SALL3: variants seen among roughly 807,000 people sequenced by gnomAD.
SALL3 encodes spalt like transcription factor 3, also known as sal-like protein 3.
Under a neutral mutation model 66.2 loss-of-function variants are expected in SALL3, and 25 were observed. The ratio of observed to expected loss-of-function variants is 0.38; its 90% CI spans 0.28 to 0.53. The LOEUF is 0.53. Among genes scored for constraint, SALL3 ranks in the 20% least tolerant of loss-of-function variants. The pLI, the probability that SALL3 is intolerant of heterozygous loss-of-function variation, is 0.85. For missense variants in SALL3, 2,194 were observed against 1,916.5 expected, an observed-to-expected ratio of 1.14 and a Z score of -2.70; for synonymous variants, 1,152 against 899.1, an observed-to-expected ratio of 1.28 and a Z score of -5.03.
At chr18:78,980,984 T>G (rs1353475213) in intron 1 of SALL3, among the ~76,000 whole-genome samples, 2 of 152,136 alleles carry the variant, frequency 1.3e-5, no homozygotes. Flanking sequence ...GGCCTGGGCC[T>G]GGCCCCTGCT....
chr18:78,986,966 A>G (rs1914266050), intron 1 of SALL3, among the ~76,000 whole-genome samples: 1 of 152,244 alleles, frequency 6.6e-6, no homozygotes. Flanking sequence ...ATATAGGTAT[A>G]CACAGCATAT....
chr18:78,992,826 G>A lies in SALL3; in HGVS notation c.835G>A (p.Gly279Ser), dbSNP rs1287957114. Residue 279 changes from glycine (G) to serine (S), a missense_variant, in exon 2 of 3, where the codon GGC becomes AGC. By Grantham distance (56) the Gly-to-Ser change is moderately conservative. Transcript: ENST00000537592. ...GAPAAAIAGS[G>S]PAAPAAFEGA... ...CCCTGCCGCCGCCATCGCGGGCTCG[G>A]GCCCCGCCGCCCCGGCCGCCTTCGA... 1 of 979,632 alleles carries A rather than the reference G, an allele frequency of 1.0e-6. No homozygotes were observed. The highest frequency in any genetic ancestry group is 1.2e-6 in the Non-Finnish European group (1 of 827,926). 60.7% of individuals were successfully genotyped at this position (979,632 alleles called of 1,614,324 possible). A position where few individuals can be genotyped will look rare whatever the true frequency, so the allele number is the denominator to read the frequency against.
Position 78,992,670 on chromosome 18 carries a change from C to G in SALL3, c.679C>G (p.Arg227Gly). 6.5e-7 allele frequency: 1 copy of G among 1,539,170 alleles called. No homozygotes were observed. Residue 227 changes from arginine (R) to glycine (G), a missense_variant, in exon 2 of 3, where the codon CGC becomes GGC. Arg to Gly is a moderately radical substitution (Grantham distance 125). Transcript: ENST00000537592. ...IHQLQLIEQI[R>G]SQVALMQRPP... is the part of the protein sequence containing the mutation. ...CCAGCTGCAGCTCATCGAGCAGATC[C>G]GCAGCCAGGTGGCCCTCATGCAGCG...
At position 78,992,652 on chromosome 18, in the gene SALL3, C is replaced by T; in HGVS notation, c.661C>T (p.Gln221Ter). The T allele has an allele frequency of 6.5e-7, 1 of 1,547,468 alleles. No individual in the cohort carries two copies. Among genetic ancestry groups the T allele is most frequent in the Non-Finnish European group, 8.7e-7 (1 of 1,152,750 alleles). ...ALQQQQIHQL[Q>*]LIEQIRSQVA... is the part of the protein sequence containing the mutation. The stretch of plus-strand genomic sequence containing the variant: ...GCAGCAGCAGCAGATCCACCAGCTG[C>T]AGCTCATCGAGCAGATCCGCAGCCA... The change falls in exon 2 of 3, where the codon CAG becomes TAG. Residue 221 changes from glutamine (Q) to a stop codon, truncating the protein, a stop_gained. Transcript: ENST00000537592. LOFTEE classifies it high-confidence loss of function.
In SALL3 at chr18:78,992,813, C is replaced by T; in HGVS notation, c.822C>T (p.Ala274=). 2 of 980,202 alleles carry T rather than the reference C, an allele frequency of 2.0e-6. No homozygotes were observed. Among genetic ancestry groups the T allele is most frequent in the Non-Finnish European group, 2.4e-6 (2 of 828,308 alleles). The allele number at this position is 980,202 out of a possible 1,614,324, so 60.7% of individuals were successfully genotyped here. A position where few individuals can be genotyped will look rare whatever the true frequency, so the allele number is the denominator to read the frequency against. The change falls in exon 2 of 3, where the codon GCC becomes GCT. Residue 274 remains alanine (A), a synonymous_variant. Coordinates refer to ENST00000537592, the MANE Select transcript of SALL3 (RefSeq NM_171999.4). ...TGTCGGCCGGGGCCCCTGCCGCCGC[C>T]ATCGCGGGCTCGGGCCCCGCCGCCC... ...LPLSAGAPAA[A]IAGSGPAAPA...
In SALL3 at chr18:78,997,174, C is replaced by T. The variant is rs180936492; in HGVS notation, c.3755C>T (p.Pro1252Leu). 4 of 1,613,934 alleles carry T rather than the reference C, an allele frequency of 2.5e-6. No homozygotes were observed. Among genetic ancestry groups the T allele is most frequent in the African/African-American group, 1.3e-5 (1 of 74,932 alleles). The change falls in exon 3 of 3, where the codon CCT becomes CTT. Residue 1252 changes from proline (P) to leucine (L), a missense_variant. Coordinates refer to ENST00000537592, the MANE Select transcript of SALL3 (RefSeq NM_171999.4). ...PVSLGGSALP[P>L]LGSMASGMDK... ...AGTCTTGGGGGCAGCGCCCTCCCCCCTCTGGGCAGCATGGCCAGTGGGATG... is the reference window on the plus strand; with the variant it reads ...AGTCTTGGGGGCAGCGCCCTCCCCCTTCTGGGCAGCATGGCCAGTGGGATG...
intron 1 of SALL3, among the ~76,000 whole-genome samples, chr18:78,987,411 C>T (rs1360590810): frequency 1.3e-5 from 2 of 151,854 alleles, no homozygotes; most frequent in Non-Finnish European, 2.9e-5. Context: ...TTTTAACTAT[C>T]GTCTTTGAAG....
chr18:78,985,344 C>T (rs1257974238), intron 1 of SALL3, among the ~76,000 whole-genome samples: 1 of 152,182 alleles, frequency 6.6e-6, no homozygotes, highest in Admixed American at 6.5e-5. Flanking sequence ...GAAGAGAAAA[C>T]GGCTTTCTTT....
At position 78,994,420 on chromosome 18, in the gene SALL3, A is replaced by C; in HGVS notation, c.2429A>C (p.Glu810Ala). The C allele has an allele frequency of 6.2e-7, 1 of 1,612,698 alleles. No homozygotes were observed. The highest frequency in any genetic ancestry group is 8.5e-7 in the Non-Finnish European group (1 of 1,179,968). Residue 810 changes from glutamate to alanine, a missense_variant, in exon 2 of 3, where the codon GAG becomes GCG. Glu to Ala is a moderately radical substitution (Grantham distance 107, BLOSUM62 -1). Coordinates refer to ENST00000537592, the MANE Select transcript of SALL3 (RefSeq NM_171999.4). ...GAGAACTCCATGGAGGACGACGCTGAGCTGAAGGACGCGGCCACCGACCCG... is the reference window on the plus strand; with the variant it reads ...GAGAACTCCATGGAGGACGACGCTGCGCTGAAGGACGCGGCCACCGACCCG... ...MDENSMEDDAELKDAATDPAK... is the reference protein window; with the variant it reads ...MDENSMEDDAALKDAATDPAK...
intron 1 of SALL3, among the ~76,000 whole-genome samples, chr18:78,981,918 C>T (rs1914087746): frequency 6.6e-6 from 1 of 152,154 alleles, no homozygotes; most frequent in South Asian, 2.1e-4. Context: ...CATTGCGTCC[C>T]AGTGAGGAAT....
rs745475051 is a variant in SALL3 at position 78,992,663 on chromosome 18, G to A, written c.672G>A (p.Glu224=). Residue 224 remains glutamate, a synonymous_variant, in exon 2 of 3, where the codon GAG becomes GAA. Coordinates refer to ENST00000537592, the MANE Select transcript of SALL3 (RefSeq NM_171999.4). ...AGATCCACCAGCTGCAGCTCATCGA[G>A]CAGATCCGCAGCCAGGTGGCCCTCA... The part of the protein sequence containing the change: ...QQQIHQLQLI[E]QIRSQVALMQ... 10 of 1,541,556 alleles carry A rather than the reference G, an allele frequency of 6.5e-6. No homozygotes were observed. The highest frequency in any genetic ancestry group is 7.8e-6 in the Non-Finnish European group (9 of 1,149,722).
intron 1 of SALL3, among the ~76,000 whole-genome samples, chr18:78,987,909 G>A (rs1250755763): frequency 6.6e-6 from 1 of 152,180 alleles, no homozygotes; most frequent in African/African-American, 2.4e-5. Flanking sequence ...GTTGAATAGT[G>A]TGCAAAAAAT....
chr18:78,995,756 T>C (rs921855350), intron 2 of SALL3, among the ~76,000 whole-genome samples: 2 of 152,038 alleles, frequency 1.3e-5, no homozygotes, highest in Non-Finnish European at 2.9e-5. Context: ...AATGTATCCA[T>C]ATATTTATAA....
At position 78,992,278 on chromosome 18, in the gene SALL3, A is replaced by C; in HGVS notation, c.287A>C (p.Glu96Ala). 6.5e-7 allele frequency: 1 copy of C among 1,540,554 alleles called. No homozygotes were observed. Among genetic ancestry groups the C allele is most frequent in the Non-Finnish European group, 8.7e-7 (1 of 1,152,274 alleles). Residue 96 changes from glutamate (E) to alanine (A), a missense_variant, in exon 2 of 3, where the codon GAG becomes GCG. Coordinates refer to ENST00000537592, the MANE Select transcript of SALL3 (RefSeq NM_171999.4). Reference protein sequence around the residue: ...APAPPPEDFPEPSPASSPSER... With the variant: ...APAPPPEDFPAPSPASSPSER... Reference sequence around the variant, plus strand: ...GCGCCGCCCCCCGAGGACTTCCCCGAGCCTTCGCCCGCCAGCTCCCCCAGC... The same window carrying C: ...GCGCCGCCCCCCGAGGACTTCCCCGCGCCTTCGCCCGCCAGCTCCCCCAGC...
chr18:78,995,303 C>G lies in SALL3; in HGVS notation c.3312C>G (p.Pro1104=). 6.4e-7 allele frequency: 1 copy of G among 1,572,258 alleles called. No homozygotes were observed. Among genetic ancestry groups the G allele is most frequent in the Middle Eastern group, 1.7e-4 (1 of 6,026 alleles). Residue 1104 remains proline, a synonymous_variant, in exon 2 of 3, where the codon CCC becomes CCG. Coordinates refer to ENST00000537592, the MANE Select transcript of SALL3 (RefSeq NM_171999.4). The stretch of plus-strand genomic sequence containing the variant: ...CGGGCCTGGCGCCCATGCTGGCCCC[C>G]CCACCGCGCCGGACGCCCAAGCAGC... ...MGPGLAPMLA[P]PPRRTPKQHN...
At chr18:78,986,733 T>A (rs1376581506) in intron 1 of SALL3, among the ~76,000 whole-genome samples, 1 of 152,234 alleles carries the variant, frequency 6.6e-6, no homozygotes, top group African/African-American at 2.4e-5. Flanking sequence ...TTAACAACCC[T>A]TTCCCTGCAC....
rs1331358884 is a variant in SALL3, at chr18:78,995,458, T to G, written c.3467T>G (p.Leu1156Arg). 7.1e-6 allele frequency: 11 copies of G among 1,557,808 alleles called. No individual in the cohort carries two copies. The highest frequency in any genetic ancestry group is 9.5e-6 in the Non-Finnish European group (11 of 1,159,432). Residue 1156 changes from leucine to arginine, a missense_variant, in exon 2 of 3, where the codon CTC becomes CGC. Physicochemically the swap from Leu to Arg is moderately radical, Grantham distance 102. Coordinates refer to ENST00000537592, the MANE Select transcript of SALL3 (RefSeq NM_171999.4). The part of the protein sequence containing the change: ...CGRAFTTKGN[L>R]KVHMGTHMWN... ...CGGGCCTTCACCACTAAGGGCAACC[T>G]CAAGGTAAGAGCATGGCAGGCTCCA...
chr18:78,994,638 G>A lies in SALL3; in HGVS notation c.2647G>A (p.Val883Met), dbSNP rs761198756. 23 of 1,609,034 alleles carry A rather than the reference G, an allele frequency of 1.4e-5. No individual in the cohort carries two copies. The highest frequency in any genetic ancestry group is 3.3e-5 in the South Asian group (3 of 90,836). ...CCTGAGCAACGACTCCTCGTCGGCC[G>A]TGGGCGACCTGGAGAGCCGCAGCGC... ...DRLSNDSSSA[V>M]GDLESRSAGS... The change falls in exon 2 of 3, where the codon GTG (valine) becomes ATG (methionine). Residue 883 changes from valine (V) to methionine (M), a missense_variant. Coordinates refer to ENST00000537592, the MANE Select transcript of SALL3 (RefSeq NM_171999.4).
intron 1 of SALL3, among the ~76,000 whole-genome samples, chr18:78,981,771 T>C (rs1376338658): frequency 1.3e-5 from 2 of 152,208 alleles, no homozygotes; most frequent in Non-Finnish European, 2.9e-5. Context: ...AAATGGATTT[T>C]TTTTTGTTTT....
Sources: allele counts gnomAD v4.1 joint callset (sites outside exome capture counted in the v4.1 genomes callset), GRCh38; gene constraint gnomAD v4.1.1; transcripts MANE v1.5; gene names NCBI Gene and HGNC (gene_info 2026-07-23, HGNC 2026-07-21).